Variants in TUFT1 observed in about 807,000 individuals in gnomAD.
The protein encoded by TUFT1 is tuftelin.
A neutral mutation model predicts 57.8 loss-of-function variants in TUFT1; 43 were observed. That is an observed-to-expected ratio of 0.74 (90% CI 0.58 to 0.96). The LOEUF is 0.96. Among genes scored for constraint, TUFT1 ranks in the 40% least tolerant of loss-of-function variants. The probability of loss-of-function intolerance (pLI) is 0.00; values close to 1 mark genes in which losing one functional copy is unlikely to be tolerated. For synonymous variants in TUFT1, 166 were observed against 176.7 expected, an observed-to-expected ratio of 0.94 and a Z score of 0.48; for missense variants, 459 against 489.0, an observed-to-expected ratio of 0.94 and a Z score of 0.58.
intron 6 of TUFT1, among the ~76,000 whole-genome samples, chr1:151,567,004 G>T (rs113223616): frequency 6.6e-6 from 1 of 150,554 alleles, no homozygotes. Context: ...CTGCAGCCTC[G>T]ACCCCCGGGG....
chr1:151,578,534 T>G (rs1666550764), intron 9 of TUFT1, among the ~76,000 whole-genome samples, 187 bp from the exon 10 acceptor site: 1 of 152,190 alleles, frequency 6.6e-6, no homozygotes, highest in Non-Finnish European at 1.5e-5. Flanking sequence ...GGTCTTGAAC[T>G]CCTGACCTCA....
intron 3 of TUFT1, among the ~76,000 whole-genome samples, 158 bp from the exon 4 acceptor site, chr1:151,563,746 G>T (rs545007963): frequency 3.2e-4 from 49 of 152,168 alleles, no homozygotes; most frequent in Non-Finnish European, 1.5e-5. Flanking sequence ...AGACCAAAAA[G>T]TAAATATATT....
chr1:151,540,653 G>C (rs1281577156), intron 1 of TUFT1: 9 of 562,484 alleles, frequency 1.6e-5, no homozygotes, highest in Non-Finnish European at 2.8e-5. Context: ...CCTGCCCTTT[G>C]GTAGGACACT....
chr1:151,554,492 C>T (rs541287956), intron 1 of TUFT1, among the ~76,000 whole-genome samples: 5 of 150,740 alleles, frequency 3.3e-5, no homozygotes, highest in African/African-American at 7.3e-5. Context: ...CTCTGCCTCC[C>T]GGGTTCAGGC....
intron 5 of TUFT1, chr1:151,565,934 A>G (rs748607351): frequency 9.2e-6 from 4 of 434,428 alleles, no homozygotes; most frequent in Non-Finnish European, 1.7e-5. Context: ...TTCTCATGGA[A>G]CGCTAGAAAT....
At chr1:151,546,670 A>G (rs912749325) in intron 1 of TUFT1, among the ~76,000 whole-genome samples, 17 of 152,210 alleles carry the variant, frequency 1.1e-4, no homozygotes, top group African/African-American at 3.9e-4. Flanking sequence ...GATGTTTTCA[A>G]GGTTCATCCA....
chr1:151,579,839 T>A, intron 11 of TUFT1, 107 bp downstream of exon 11: 1 of 1,129,506 alleles, frequency 8.9e-7, no homozygotes, highest in Non-Finnish European at 1.3e-6. Flanking sequence ...TTGCTGTTGC[T>A]CTGAAGTGAA....
intron 5 of TUFT1, 197 bp from the exon 6 acceptor site, chr1:151,565,966 C>G: frequency 2.0e-5 from 9 of 454,444 alleles, no homozygotes; most frequent in East Asian, 3.6e-5. Flanking sequence ...TCGCTTCGTT[C>G]CTTCTTCCTC....
chr1:151,562,752 G>A (rs908782645), intron 3 of TUFT1, 66 bp downstream of exon 3: 4 of 1,388,216 alleles, frequency 2.9e-6, no homozygotes, highest in South Asian at 1.2e-5. Flanking sequence ...ATGAGAAGGA[G>A]CAGTTGATGT....
intron 1 of TUFT1, among the ~76,000 whole-genome samples, chr1:151,547,049 T>C (rs1339194093): frequency 2.0e-5 from 3 of 152,204 alleles, no homozygotes; most frequent in African/African-American, 7.2e-5. Context: ...CAGAGGAGCC[T>C]TTCAAGTTTG....
At chr1:151,569,245 G>A (rs1666173843) in intron 6 of TUFT1, among the ~76,000 whole-genome samples, 1 of 152,226 alleles carries the variant, frequency 6.6e-6, no homozygotes, top group South Asian at 2.1e-4. Context: ...TGATGGGCGC[G>A]ACATAGTCCC....
chr1:151,540,765 A>G (rs2102510556), intron 1 of TUFT1: 1 of 249,442 alleles, frequency 4.0e-6, no homozygotes, highest in Non-Finnish European at 8.0e-6. Context: ...AATGAGCTCA[A>G]GCGACTGGGT....
chr1:151,563,126 C>T (rs908522676), intron 3 of TUFT1, among the ~76,000 whole-genome samples: 3 of 152,160 alleles, frequency 2.0e-5, no homozygotes, highest in Non-Finnish European at 4.4e-5. Flanking sequence ...CTCGAGCAAT[C>T]GTCCTGTCTC....
chr1:151,551,323 C>T (rs1357072549), intron 1 of TUFT1, among the ~76,000 whole-genome samples: 2 of 152,022 alleles, frequency 1.3e-5, no homozygotes, highest in East Asian at 3.9e-4. Flanking sequence ...TCACCTGGAA[C>T]TCATGCAACA....
At chr1:151,553,173 C>A (rs898912911) in intron 1 of TUFT1, among the ~76,000 whole-genome samples, 6 of 152,040 alleles carry the variant, frequency 3.9e-5, no homozygotes, top group African/African-American at 1.5e-4. Context: ...CTCACAGCAA[C>A]CTCCACCTCC....
At chr1:151,549,844 C>T (rs1665453749) in intron 1 of TUFT1, among the ~76,000 whole-genome samples, 1 of 152,178 alleles carries the variant, frequency 6.6e-6, no homozygotes, top group Admixed American at 6.5e-5. Flanking sequence ...ACCTCAGCTT[C>T]CCTAGTAGCT....
intron 1 of TUFT1, among the ~76,000 whole-genome samples, chr1:151,545,174 G>A (rs929214835): frequency 6.6e-6 from 1 of 152,140 alleles, no homozygotes. Context: ...GCCAGGTGTG[G>A]TGGTGCGCAC....
chr1:151,561,987 G>A, intron 1 of TUFT1, 104 bp from the exon 2 acceptor site: 2 of 1,473,886 alleles, frequency 1.4e-6, no homozygotes. Context: ...GTGATGATAA[G>A]ACCCGCTCCA....
At chr1:151,545,994 C>A in intron 1 of TUFT1, 1 of 231,358 alleles carries the variant, frequency 4.3e-6, no homozygotes, top group Non-Finnish European at 9.4e-6. Context: ...CGAATATTTG[C>A]ATTTTTTTCT....
Sources: gnomAD v4.1 joint callset for allele counts (sites outside exome capture counted in the v4.1 genomes callset) on GRCh38, gnomAD v4.1.1 for gene constraint, MANE v1.5 for transcripts, NCBI Gene and HGNC (gene_info 2026-07-23, HGNC 2026-07-21) for gene names.